Variants in PTPRT observed in about 807,000 individuals in gnomAD.
The protein encoded by PTPRT is protein tyrosine phosphatase receptor type T, also known as receptor-type tyrosine-protein phosphatase T.
In PTPRT, 56 loss-of-function variants were observed where a neutral mutation model predicts 176.8. That is an observed-to-expected ratio of 0.32 (90% CI 0.26 to 0.40). The LOEUF is 0.40. PTPRT is among the 10% of genes least tolerant of loss of function. The pLI is 1.00. For missense variants in PTPRT, 1,540 were observed against 1,908.2 expected, an observed-to-expected ratio of 0.81 and a Z score of 3.60; for synonymous variants, 783 against 739.0, an observed-to-expected ratio of 1.06 and a Z score of -0.96.
chr20:42,250,312 G>A (rs544900437), intron 13 of PTPRT, among the ~76,000 whole-genome samples: 1 of 152,242 alleles, frequency 6.6e-6, no homozygotes, highest in South Asian at 2.1e-4. Flanking sequence ...TAGCTAAAAG[G>A]ATGACGTCTC....
chr20:43,149,239 T>G (rs552892986), intron 1 of PTPRT, among the ~76,000 whole-genome samples: 1 of 152,362 alleles, frequency 6.6e-6, no homozygotes, highest in Admixed American at 6.5e-5. Context: ...GCATTATGTT[T>G]TAATAAAGCA....
At chr20:42,325,662 T>C (rs904195897) in intron 11 of PTPRT, among the ~76,000 whole-genome samples, 6 of 152,164 alleles carry the variant, frequency 3.9e-5, no homozygotes, top group African/African-American at 1.4e-4. Context: ...CTCCCTGCTT[T>C]CACTTTTGCC....
chr20:42,212,657 C>G (rs921305816), intron 15 of PTPRT, among the ~76,000 whole-genome samples: 2 of 152,068 alleles, frequency 1.3e-5, no homozygotes, highest in African/African-American at 2.4e-5. Flanking sequence ...CTGTAAAACA[C>G]GGATTAGAGT....
chr20:42,084,509 G>A (rs369838870), intron 29 of PTPRT, among the ~76,000 whole-genome samples, 173 bp downstream of exon 29: 8 of 152,196 alleles, frequency 5.3e-5, no homozygotes, highest in African/African-American at 1.4e-4. Context: ...TGGCAGCCCC[G>A]TTCCATTAAA....
chr20:42,624,631 A>T (rs140628574), intron 7 of PTPRT, among the ~76,000 whole-genome samples: 17 of 152,292 alleles, frequency 1.1e-4, no homozygotes, highest in Admixed American at 5.2e-4. Context: ...TCAGTTCTGA[A>T]TGTTCTGAAG....
At chr20:42,616,316 T>C (rs1487190631) in intron 7 of PTPRT, among the ~76,000 whole-genome samples, 1 of 122,626 alleles carries the variant, frequency 8.2e-6, no homozygotes, top group East Asian at 2.0e-4. Context: ...TTGGTACCAG[T>C]ACCATGCTGT....
At chr20:42,432,023 G>C (rs138677078) in intron 9 of PTPRT, among the ~76,000 whole-genome samples, 1 of 152,340 alleles carries the variant, frequency 6.6e-6, no homozygotes, top group Non-Finnish European at 1.5e-5. Context: ...CATGGCTGCT[G>C]CTGGGAGTGA....
At chr20:42,686,895 A>G (rs2075705857) in intron 6 of PTPRT, among the ~76,000 whole-genome samples, 2 of 152,154 alleles carry the variant, frequency 1.3e-5, no homozygotes, top group East Asian at 1.9e-4. Flanking sequence ...AATCCATGCT[A>G]AAGGATCTGT....
intron 6 of PTPRT, among the ~76,000 whole-genome samples, chr20:42,706,203 G>A (rs112620547): frequency 3.9e-5 from 5 of 127,644 alleles, no homozygotes; most frequent in Non-Finnish European, 3.6e-5. Context: ...GTGTGTGTGT[G>A]TGTGTGTGTG....
intron 7 of PTPRT, among the ~76,000 whole-genome samples, chr20:42,541,853 A>G (rs2072588351): frequency 6.6e-6 from 1 of 150,664 alleles, no homozygotes; most frequent in African/African-American, 2.5e-5. Flanking sequence ...TAAAATTTTA[A>G]AAAAATCTGT....
intron 7 of PTPRT, among the ~76,000 whole-genome samples, chr20:42,648,162 T>C (rs2074948372): frequency 6.6e-6 from 1 of 152,138 alleles, no homozygotes; most frequent in Admixed American, 6.5e-5. Context: ...TTTAATTTAC[T>C]GGGTTATTGG....
chr20:42,973,534 G>T (rs1478370402), intron 1 of PTPRT, among the ~76,000 whole-genome samples: 1 of 152,050 alleles, frequency 6.6e-6, no homozygotes, highest in Non-Finnish European at 1.5e-5. Flanking sequence ...AATCACGAAT[G>T]CATTGCCTCT....
At chr20:42,346,756 C>T (rs74598383) in intron 11 of PTPRT, among the ~76,000 whole-genome samples, 14 of 152,222 alleles carry the variant, frequency 9.2e-5, no homozygotes, top group Non-Finnish European at 1.9e-4. Flanking sequence ...GTTGGAGCAT[C>T]ACTGGCAGAA....
In PTPRT at chr20:42,098,498, CG is replaced by C; in HGVS notation, c.3768del (p.Val1257TrpfsTer17). ...AACACCAGCCTCCAGAAGTCTGCCACGGTGTTGGGTAGAGGGTGCTGGGTGA... is the reference window on the plus strand; with the variant it reads ...AACACCAGCCTCCAGAAGTCTGCCACGTGTTGGGTAGAGGGTGCTGGGTGA... ...FVVTQHPLPN[T>X]VADFWRLVFD... On this transcript the variant is annotated frameshift_variant, in exon 27 of 31. Coordinates refer to ENST00000373187, the MANE Select transcript of PTPRT (RefSeq NM_007050.6). LOFTEE classifies it high-confidence loss of function. 6.2e-7 allele frequency: 1 copy of C among 1,614,194 alleles called. No homozygotes were observed. Among genetic ancestry groups the C allele is most frequent in the Non-Finnish European group, 8.5e-7 (1 of 1,180,042 alleles).
At chr20:42,336,619 A>G (rs150981718) in intron 11 of PTPRT, among the ~76,000 whole-genome samples, 38 of 152,296 alleles carry the variant, frequency 2.5e-4, no homozygotes, top group African/African-American at 8.9e-4. Flanking sequence ...TCATTTCAGT[A>G]ATTGCATTCC....
At chr20:42,418,015 C>G (rs1215156358) in intron 9 of PTPRT, among the ~76,000 whole-genome samples, 1 of 152,110 alleles carries the variant, frequency 6.6e-6, no homozygotes, top group South Asian at 2.1e-4. Context: ...CTCATTTTAT[C>G]CTCAGAGTGA....
At chr20:42,220,607 C>A (rs751685453) in intron 15 of PTPRT, among the ~76,000 whole-genome samples, 2 of 151,878 alleles carry the variant, frequency 1.3e-5, no homozygotes, top group Non-Finnish European at 2.9e-5. Flanking sequence ...GCCTCTAAAC[C>A]GCACATGTCC....
intron 7 of PTPRT, among the ~76,000 whole-genome samples, chr20:42,543,395 A>G (rs917487264): frequency 6.6e-6 from 1 of 152,196 alleles, no homozygotes; most frequent in African/African-American, 2.4e-5. Flanking sequence ...CATAAGAAGC[A>G]ATTCCTCATT....
intron 1 of PTPRT, among the ~76,000 whole-genome samples, chr20:43,077,501 G>A (rs1438995478): frequency 2.0e-5 from 3 of 152,176 alleles, no homozygotes; most frequent in Non-Finnish European, 4.4e-5. Flanking sequence ...TACTGATCAT[G>A]ATACTCACTT....
Sources: allele counts gnomAD v4.1 joint callset (sites outside exome capture counted in the v4.1 genomes callset), GRCh38; gene constraint gnomAD v4.1.1; transcripts MANE v1.5; gene names NCBI Gene and HGNC (gene_info 2026-07-23, HGNC 2026-07-21).